The following ATXN8OS variants were observed in gnomAD, a reference collection of about 807,000 sequenced individuals.
ATXN8OS encodes ATXN8 opposite strand lncRNA, also known as ATXN8 opposite strand (non-protein coding).
At chr13:70,109,451 G>T (rs759671057) in intron 1 of ATXN8OS, among the ~76,000 whole-genome samples, 3 of 152,172 alleles carry the variant, frequency 2.0e-5, no homozygotes, top group African/African-American at 7.2e-5. Context: ...CTGAAGTGCA[G>T]TTAGGCTACT....
chr13:70,159,848 A>G (rs918568879), intron 4 of ATXN8OS, among the ~76,000 whole-genome samples: 1 of 152,214 alleles, frequency 6.6e-6, no homozygotes, highest in Non-Finnish European at 1.5e-5. Context: ...TTCATTCACA[A>G]CATTGCATGT....
At chr13:70,122,608 CTAA>C (rs1888375895) in intron 2 of ATXN8OS, among the ~76,000 whole-genome samples, 1 of 151,972 alleles carries the variant, frequency 6.6e-6, no homozygotes, top group South Asian at 2.1e-4. Flanking sequence ...GACATTTCTT[CTAA>C]TGTTTATAAA....
chr13:70,153,098 C>G (rs374080044), intron 4 of ATXN8OS, among the ~76,000 whole-genome samples: 20 of 146,704 alleles, frequency 1.4e-4, no homozygotes, highest in African/African-American at 4.8e-4. Flanking sequence ...AGATGTAGAC[C>G]GGGAGAGAAA....
chr13:70,128,919 G>A (rs7988415), intron 2 of ATXN8OS, among the ~76,000 whole-genome samples: 55,610 of 151,082 alleles, frequency 0.37, 10,558 homozygotes, highest in African/African-American at 0.45. Flanking sequence ...GGAGTGCAGT[G>A]GCGCAATCCC....
At chr13:70,142,487 A>G (rs1888730984) in intron 3 of ATXN8OS, among the ~76,000 whole-genome samples, 1 of 152,138 alleles carries the variant, frequency 6.6e-6, no homozygotes, top group Admixed American at 6.5e-5. Flanking sequence ...CATTAGAGCT[A>G]TGTTTTAGCA....
chr13:70,133,024 A>G (rs1888556767), intron 3 of ATXN8OS, among the ~76,000 whole-genome samples: 1 of 152,182 alleles, frequency 6.6e-6, no homozygotes, highest in Non-Finnish European at 1.5e-5. Flanking sequence ...CAACCCTTAA[A>G]CTATCATTGC....
upstream of ATXN8OS, chr13:70,107,552 C>A: frequency 6.2e-7 from 1 of 1,608,830 alleles, no homozygotes; most frequent in Non-Finnish European, 8.5e-7. Flanking sequence ...TGGCTGGGTC[C>A]CCAGTGCTCA....
At chr13:70,128,849 TC>T (rs1358092549) in intron 2 of ATXN8OS, among the ~76,000 whole-genome samples, 1 of 121,104 alleles carries the variant, frequency 8.3e-6, no homozygotes, top group Non-Finnish European at 1.7e-5. Flanking sequence ...AACAACAAAA[TC>T]CCCCCACCTT....
chr13:70,132,381 G>C (rs1187380998), intron 3 of ATXN8OS, among the ~76,000 whole-genome samples: 1 of 148,560 alleles, frequency 6.7e-6, no homozygotes, highest in African/African-American at 2.5e-5. Flanking sequence ...TGCAGGAACA[G>C]AAAACCAAAT....
intron 3 of ATXN8OS, among the ~76,000 whole-genome samples, chr13:70,145,485 A>G (rs1348417722): frequency 5.9e-5 from 9 of 151,990 alleles, no homozygotes; most frequent in African/African-American, 1.9e-4. Context: ...ACCCATGAGC[A>G]TGGAATGTTC....
chr13:70,141,857 CATAT>C (rs1423942733), intron 3 of ATXN8OS, among the ~76,000 whole-genome samples: 5 of 151,990 alleles, frequency 3.3e-5, no homozygotes, highest in Admixed American at 1.3e-4. Flanking sequence ...TATATACATA[CATAT>C]ATATGTATAT....
intron 1 of ATXN8OS, among the ~76,000 whole-genome samples, chr13:70,112,169 C>T (rs1164675156): frequency 6.6e-6 from 1 of 152,130 alleles, no homozygotes; most frequent in African/African-American, 2.4e-5. Flanking sequence ...AACCAGATCT[C>T]ATGAGAGTTC....
rs189884524 is a variant in ATXN8OS, at chr13:70,133,121, G to A, written n.499+3237G>A. Among the ~76,000 whole-genome samples the A allele has an allele frequency of 1.1e-4, 16 of 152,286 alleles. No homozygotes were observed. The East Asian group carries it at 3.1e-3, about 30-fold the overall frequency. On this transcript the variant is annotated intron_variant and non_coding_transcript_variant, in intron 3 of 4. Coordinates refer to ENST00000678624, the Ensembl canonical transcript of ATXN8OS. The stretch of plus-strand genomic sequence containing the variant: ...ATGGCTGTATCAGAAATAGGATGAA[G>A]GTGCCTGGGCATGGAGGCTCACGCC...
chr13:70,133,854 A>G (rs758047799), intron 3 of ATXN8OS, among the ~76,000 whole-genome samples: 1 of 152,180 alleles, frequency 6.6e-6, no homozygotes, highest in Admixed American at 6.5e-5. Context: ...CAACAGATTT[A>G]TGTTGTTTTA....
chr13:70,108,632 C>T (rs767843193), intron 1 of ATXN8OS: 1 of 152,224 alleles, frequency 6.6e-6, no homozygotes, highest in South Asian at 2.1e-4. Flanking sequence ...TTTTCACCCT[C>T]CTTCCTCGCT....
At chr13:70,134,955 G>A (rs1478669202) in intron 3 of ATXN8OS, among the ~76,000 whole-genome samples, 1 of 152,208 alleles carries the variant, frequency 6.6e-6, no homozygotes, top group African/African-American at 2.4e-5. Flanking sequence ...CACAGGCTGT[G>A]TGGACTCTTG....
intron 2 of ATXN8OS, among the ~76,000 whole-genome samples, chr13:70,117,923 A>G (rs1291558232): frequency 6.6e-6 from 1 of 152,136 alleles, no homozygotes. Flanking sequence ...GGCATTTTGT[A>G]AAATATCCAG....
At chr13:70,109,666 T>G (rs1888169431) in intron 1 of ATXN8OS, among the ~76,000 whole-genome samples, 1 of 152,170 alleles carries the variant, frequency 6.6e-6, no homozygotes, top group Non-Finnish European at 1.5e-5. Flanking sequence ...GTGCCTTGAT[T>G]TTTCTCTCAG....
At chr13:70,159,018 T>C (rs1888969368) in intron 4 of ATXN8OS, among the ~76,000 whole-genome samples, 1 of 151,986 alleles carries the variant, frequency 6.6e-6, no homozygotes, top group Admixed American at 6.5e-5. Flanking sequence ...TTTTATCATG[T>C]ATATCATATA....
Sources: allele counts gnomAD v4.1 joint callset (sites outside exome capture counted in the v4.1 genomes callset), GRCh38; gene constraint gnomAD v4.1.1; transcripts MANE v1.5; gene names NCBI Gene and HGNC (gene_info 2026-07-23, HGNC 2026-07-21).